ARHGEF10L: variants seen among roughly 807,000 people sequenced by gnomAD.
ARHGEF10L encodes Rho guanine nucleotide exchange factor 10 like.
ARHGEF10L carries 69 observed loss-of-function variants against 141.2 expected under a neutral mutation model. That is an observed-to-expected ratio of 0.49 (90% CI 0.40 to 0.60). ARHGEF10L has a LOEUF of 0.60. ARHGEF10L is among the 20% of genes least tolerant of loss of function. The probability of loss-of-function intolerance (pLI) is 0.00; values close to 1 mark genes in which losing one functional copy is unlikely to be tolerated. For missense variants in ARHGEF10L, 1,482 were observed against 1,734.3 expected (o/e 0.85, Z 2.58); for synonymous variants, 711 against 718.5 (o/e 0.99, Z 0.17).
Position 17,697,101 on chromosome 1 carries a change from G to A in ARHGEF10L, c.3561G>A (p.Leu1187=), listed in dbSNP as rs2065564165. The change falls in exon 29 of 29, where the codon CTG becomes CTA. Residue 1187 remains leucine (L), a synonymous_variant. Coordinates refer to ENST00000361221, the MANE Select transcript of ARHGEF10L (RefSeq NM_018125.4). This position sits in a 1 kb window ranked among gnomAD's most constrained non-coding sequence, Gnocchi z 4.8. Reference sequence around the variant, plus strand: ...CCACCGCACACCTCCCGGGCCCGCTGCTCTCCATGCGGGAGCCGGCGCCTG... The same window carrying A: ...CCACCGCACACCTCCCGGGCCCGCTACTCTCCATGCGGGAGCCGGCGCCTG... ...LRSTAHLPGP[L]LSMREPAPAD... is the part of the protein sequence containing the mutation. 2 of 1,608,786 alleles carry A rather than the reference G, an allele frequency of 1.2e-6. No individual in the cohort carries two copies. The highest frequency in any genetic ancestry group is 1.7e-6 in the Non-Finnish European group (2 of 1,177,382).
chr1:17,602,289 A>G, intron 5 of ARHGEF10L, 71 bp downstream of exon 5: 2 of 1,505,866 alleles, frequency 1.3e-6, no homozygotes, highest in South Asian at 1.2e-5. Context: ...TTTCTAACCC[A>G]AGAGAGCTGA....
intron 21 of ARHGEF10L, among the ~76,000 whole-genome samples, chr1:17,647,149 C>T (rs1313809616): frequency 6.6e-6 from 1 of 152,170 alleles, no homozygotes; most frequent in Non-Finnish European, 1.5e-5. Flanking sequence ...GATGGAGCAT[C>T]AGCGGGCGCG....
In ARHGEF10L at chr1:17,573,893, A is replaced by G. The variant is rs141070535; in HGVS notation, c.-43-6660A>G. On this transcript the variant is annotated intron_variant, in intron 1 of 28. Coordinates refer to ENST00000361221, the MANE Select transcript of ARHGEF10L (RefSeq NM_018125.4). The surrounding 1 kb of genome is among the most constrained non-coding windows in gnomAD (Gnocchi z 4.8). ...CAGAGTCTCCATTGTCTGAGGCTCC[A>G]GCCATTGACCAAACTTGGCCCCTGC... Among the ~76,000 whole-genome samples the G allele has an allele frequency of 5.4e-3, 815 of 152,180 alleles. 6 individuals are homozygous for G. Among genetic ancestry groups the G allele is most frequent in the African/African-American group, 0.019 (784 of 41,532 alleles).
intron 4 of ARHGEF10L, among the ~76,000 whole-genome samples, chr1:17,588,812 G>GGTT (rs1465221094): frequency 7.0e-6 from 1 of 143,178 alleles, no homozygotes; most frequent in African/African-American, 2.6e-5. Context: ...CCCTCTGTTG[G>GGTT]GTTTGTCTTG....
intron 18 of ARHGEF10L, 30 bp downstream of exon 18, chr1:17,635,046 C>A (rs373233224): frequency 6.2e-7 from 1 of 1,611,638 alleles, no homozygotes; most frequent in Non-Finnish European, 8.5e-7. Context: ...GCCCTGCGTT[C>A]GTCACCCTCG....
intron 21 of ARHGEF10L, among the ~76,000 whole-genome samples, chr1:17,645,601 C>T (rs1045408474): frequency 2.6e-5 from 4 of 152,112 alleles, no homozygotes; most frequent in African/African-American, 9.7e-5. Flanking sequence ...TCCTTGAGAG[C>T]AGGGACAAGC....
the ARHGEF10L span, among the ~76,000 whole-genome samples, chr1:17,522,339 G>A: frequency 1.3e-5 from 2 of 152,206 alleles, no homozygotes; most frequent in African/African-American, 4.8e-5. Flanking sequence ...GTCCTGAAGG[G>A]TGCTCACAAC....
chr1:17,570,450 A>G (rs72648415), intron 1 of ARHGEF10L, among the ~76,000 whole-genome samples: 5,539 of 151,888 alleles, frequency 0.036, 164 homozygotes, highest in South Asian at 0.16. Flanking sequence ...AAAGGCCCTG[A>G]GGCAGAAACA....
In ARHGEF10L at chr1:17,625,208, A is replaced by G. The variant is rs1011532719; in HGVS notation, c.1317+705A>G. On this transcript the variant is annotated intron_variant, in intron 13 of 28. Coordinates refer to ENST00000361221, the MANE Select transcript of ARHGEF10L (RefSeq NM_018125.4). This position sits in a 1 kb window ranked among gnomAD's most constrained non-coding sequence, Gnocchi z 4.5. The stretch of plus-strand genomic sequence containing the variant: ...GGCGGGGGATGGTGGGATTGTGCCA[A>G]ATAAAGACAGAGGAGAGCCTATATC... Among the ~76,000 whole-genome samples the G allele has an allele frequency of 2.0e-5, 3 of 152,238 alleles. No homozygotes were observed. The highest frequency in any genetic ancestry group is 7.2e-5 in the African/African-American group (3 of 41,464).
At position 17,623,356 on chromosome 1, in the gene ARHGEF10L, C is replaced by A. The variant is rs2060207709; in HGVS notation, c.1200+181C>A. ...GGTGAGTGTGACACCTTGAAGTGGC[C>A]AGGATGTCCTTGGATATACCTGGCA... is the stretch of plus-strand genomic sequence containing the variant. On this transcript the variant is annotated intron_variant, in intron 12 of 28. Transcript: ENST00000361221. This position sits in a 1 kb window ranked among gnomAD's most constrained non-coding sequence, Gnocchi z 4.7. 6.6e-6 allele frequency among the ~76,000 whole-genome samples: 1 copy of A among 152,076 alleles called. No homozygotes were observed. The highest frequency in any genetic ancestry group is 2.1e-4 in the South Asian group (1 of 4,820).
intron 27 of ARHGEF10L, among the ~76,000 whole-genome samples, chr1:17,690,455 C>T (rs1011450001): frequency 6.6e-5 from 10 of 152,356 alleles, no homozygotes; most frequent in African/African-American, 1.4e-4. Context: ...TTGCCGTCAT[C>T]GTCTTTACGG....
At chr1:17,671,972 A>G (rs2063349005) in intron 26 of ARHGEF10L, among the ~76,000 whole-genome samples, 1 of 152,194 alleles carries the variant, frequency 6.6e-6, no homozygotes, top group South Asian at 2.1e-4. Flanking sequence ...GGGGCATTGC[A>G]GAGCAGCTGA....
chr1:17,682,754 C>T (rs571377297), intron 26 of ARHGEF10L, among the ~76,000 whole-genome samples: 36 of 152,026 alleles, frequency 2.4e-4, no homozygotes, highest in Non-Finnish European at 4.3e-4. Context: ...GGGCAGGTGG[C>T]CTTTTTCAGG....
At chr1:17,557,571 T>C (rs1005389058) in intron 1 of ARHGEF10L, among the ~76,000 whole-genome samples, 3 of 152,154 alleles carry the variant, frequency 2.0e-5, no homozygotes, top group African/African-American at 7.2e-5. Context: ...GCCTCATCCT[T>C]AGAGATTCTG....
chr1:17,624,694 C>T (rs1415369774), intron 13 of ARHGEF10L, among the ~76,000 whole-genome samples, 191 bp downstream of exon 13: 1 of 152,128 alleles, frequency 6.6e-6, no homozygotes, highest in Admixed American at 6.5e-5. Context: ...AGGAGCGTAG[C>T]CAAGTGTCTG....
intron 9 of ARHGEF10L, 30 bp downstream of exon 9, chr1:17,616,232 G>T: frequency 6.4e-7 from 1 of 1,568,990 alleles, no homozygotes; most frequent in Non-Finnish European, 8.8e-7. Context: ...GGAGGGTCTG[G>T]TGCCCAGCTC....
At chr1:17,637,097 C>T (rs2061047705) in intron 18 of ARHGEF10L, among the ~76,000 whole-genome samples, 2 of 152,196 alleles carry the variant, frequency 1.3e-5, no homozygotes, top group Admixed American at 1.3e-4. Context: ...CTGACTGCTT[C>T]CTCCGCCACT....
chr1:17,676,845 C>T (rs1334086136), intron 26 of ARHGEF10L, among the ~76,000 whole-genome samples: 1 of 151,868 alleles, frequency 6.6e-6, no homozygotes, highest in African/African-American at 2.4e-5. Flanking sequence ...TGCTGGGACT[C>T]TCAGGCTGTC....
chr1:17,636,373 C>T (rs1430857321), intron 18 of ARHGEF10L, among the ~76,000 whole-genome samples: 1 of 152,144 alleles, frequency 6.6e-6, no homozygotes, highest in Non-Finnish European at 1.5e-5. Flanking sequence ...TGCTTATAGC[C>T]CTTGAAGAAC....
Sources: allele counts gnomAD v4.1 joint callset (sites outside exome capture counted in the v4.1 genomes callset), GRCh38; gene constraint gnomAD v4.1.1; non-coding constraint Gnocchi (gnomAD v3.1); transcripts MANE v1.5; gene names NCBI Gene and HGNC (gene_info 2026-07-23, HGNC 2026-07-21).